The following MAGI2 variants were observed in gnomAD, a reference collection of about 807,000 sequenced individuals.
MAGI2 encodes membrane-associated guanylate kinase, WW and PDZ domain-containing protein 2.
In MAGI2, 35 loss-of-function variants were observed where a neutral mutation model predicts 133.3. The ratio of observed to expected loss-of-function variants is 0.26; its 90% CI spans 0.20 to 0.35. MAGI2 has a LOEUF of 0.35. MAGI2 is among the 10% of genes least tolerant of loss of function. The pLI, the probability that MAGI2 is intolerant of heterozygous loss-of-function variation, is 1.00. For synonymous variants in MAGI2, 729 were observed against 710.6 expected, an observed-to-expected ratio of 1.03 and a Z score of -0.41; for missense variants, 1,636 against 1,863.4, an observed-to-expected ratio of 0.88 and a Z score of 2.25.
intron 2 of MAGI2, among the ~76,000 whole-genome samples, chr7:78,674,233 AT>A (rs35089095): frequency 0.43 from 62,864 of 147,496 alleles, 13,293 homozygotes; most frequent in East Asian, 0.66. Context: ...ATAGCAAAGC[AT>A]TTTTTTTTTT....
intron 2 of MAGI2, among the ~76,000 whole-genome samples, chr7:78,821,878 G>C (rs17151533): frequency 0.028 from 4,226 of 151,950 alleles, 182 homozygotes; most frequent in African/African-American, 0.097. Context: ...TAAAAGAAAG[G>C]CAAAGAAAAT....
chr7:78,979,243 T>C (rs1344749873), intron 2 of MAGI2, among the ~76,000 whole-genome samples: 1 of 151,610 alleles, frequency 6.6e-6, no homozygotes, highest in Non-Finnish European at 1.5e-5. Flanking sequence ...CATCCTCCAA[T>C]AAAAGGAACC....
At chr7:78,965,322 T>G (rs1186645282) in intron 2 of MAGI2, among the ~76,000 whole-genome samples, 5 of 151,888 alleles carry the variant, frequency 3.3e-5, no homozygotes, top group African/African-American at 1.2e-4. Context: ...TGAAAAGTTA[T>G]GTCAAAAGGT....
In MAGI2 at chr7:79,222,407, T is replaced by C. The variant is rs142676256; in HGVS notation, c.302-215201A>G. Among the ~76,000 whole-genome samples, 59 of 152,198 alleles carry C rather than the reference T, an allele frequency of 3.9e-4. No individual in the cohort carries two copies. The East Asian group carries it at 0.011, about 28-fold the overall frequency. ...TTGAAGAAATGAAAATAGAGAATTA[T>C]TGAATCATCTAGTTGGATGGACCTA... On this transcript the variant is annotated intron_variant, in intron 1 of 21. Transcript: ENST00000354212.
chr7:79,050,718 C>G (rs1005491468), intron 1 of MAGI2, among the ~76,000 whole-genome samples: 6 of 152,176 alleles, frequency 3.9e-5, no homozygotes, highest in Admixed American at 2.0e-4. Context: ...TTTCTCCTAC[C>G]ATTTTTACCC....
At chr7:78,443,853 C>T (rs571101740) in intron 6 of MAGI2, among the ~76,000 whole-genome samples, 41 of 152,154 alleles carry the variant, frequency 2.7e-4, no homozygotes, top group East Asian at 1.7e-3. Flanking sequence ...TTCAGTTTGA[C>T]GAGAGGAAGA....
intron 1 of MAGI2, among the ~76,000 whole-genome samples, chr7:79,329,086 T>C (rs1465572979): frequency 6.6e-6 from 1 of 152,224 alleles, no homozygotes; most frequent in African/African-American, 2.4e-5. Flanking sequence ...GAACCACTGA[T>C]ATAATCCAGG....
intron 2 of MAGI2, among the ~76,000 whole-genome samples, chr7:78,945,902 A>G (rs1289715954): frequency 1.3e-5 from 2 of 152,204 alleles, no homozygotes; most frequent in African/African-American, 2.4e-5. Context: ...GCCCAGAGAT[A>G]GTCCTGCTTC....
At chr7:78,635,916 C>T (rs10239743) in intron 2 of MAGI2, among the ~76,000 whole-genome samples, 4,327 of 152,188 alleles carry the variant, frequency 0.028, 216 homozygotes, top group African/African-American at 0.099. Flanking sequence ...CACATAAAAT[C>T]CCAAAGTATG....
chr7:78,800,336 C>T (rs965602535), intron 2 of MAGI2, among the ~76,000 whole-genome samples: 1 of 152,036 alleles, frequency 6.6e-6, no homozygotes. Context: ...GAATTGTGAT[C>T]CACATAGTCA....
intron 3 of MAGI2, among the ~76,000 whole-genome samples, chr7:78,534,104 A>G (rs1797690037): frequency 1.3e-5 from 2 of 152,238 alleles, no homozygotes; most frequent in Admixed American, 1.3e-4. Context: ...GAATGACATA[A>G]GCACAGTCCT....
At position 79,264,040 on chromosome 7, in the gene MAGI2, C is replaced by T. The variant is rs1834267612; in HGVS notation, c.301+188980G>A. On this transcript the variant is annotated intron_variant, in intron 1 of 21. Coordinates refer to ENST00000354212, the MANE Select transcript of MAGI2 (RefSeq NM_012301.4). ...GTGATTTAAAATTTTCAAGAAGCCA[C>T]CACATTTTTTTAAAGTAGAAAGAAA... Among the ~76,000 whole-genome samples, 4 of 152,122 alleles carry T rather than the reference C, an allele frequency of 2.6e-5. No individual in the cohort carries two copies. In the South Asian group the frequency reaches 8.3e-4, roughly 32 times the overall value.
At chr7:78,582,709 A>G (rs958664689) in intron 3 of MAGI2, among the ~76,000 whole-genome samples, 5 of 152,234 alleles carry the variant, frequency 3.3e-5, no homozygotes, top group Admixed American at 6.5e-5. Context: ...TCTTAACACT[A>G]TGATTTCAGG....
At chr7:79,395,517 C>T (rs1844984408) in intron 1 of MAGI2, among the ~76,000 whole-genome samples, 1 of 152,140 alleles carries the variant, frequency 6.6e-6, no homozygotes, top group African/African-American at 2.4e-5. Context: ...TTCTCCACAT[C>T]TTCCAGAGAG....
intron 6 of MAGI2, among the ~76,000 whole-genome samples, chr7:78,477,704 C>T (rs1024613868): frequency 2.0e-4 from 31 of 151,994 alleles, no homozygotes; most frequent in Admixed American, 1.3e-3. Flanking sequence ...CACCTGGCCC[C>T]GCCCTTGACA....
intron 10 of MAGI2, among the ~76,000 whole-genome samples, chr7:78,235,354 A>T (rs1436271234): frequency 1.3e-5 from 2 of 152,108 alleles, no homozygotes; most frequent in Non-Finnish European, 2.9e-5. Flanking sequence ...GGTTTATAGA[A>T]AAATACATAG....
rs1361998075 is a variant in MAGI2 at position 78,019,257 on chromosome 7, CGGAACCTAAGAA to C, written c.*46_*57del. 6.4e-7 allele frequency: 1 copy of C among 1,561,108 alleles called. No homozygotes were observed. The highest frequency in any genetic ancestry group is 1.2e-5 in the South Asian group (1 of 86,430). ...GAAAATAAATTAAAACGCCGTGAGA[CGGAACCTAAGAA>C]GAACTGCCTGCGCCGGGGCGGGCGG... On this transcript the variant is annotated 3_prime_UTR_variant, in exon 22 of 22. Transcript: ENST00000354212.
intron 1 of MAGI2, among the ~76,000 whole-genome samples, chr7:79,364,975 G>A (rs1842606216): frequency 6.6e-6 from 1 of 151,470 alleles, no homozygotes; most frequent in African/African-American, 2.4e-5. Context: ...CTAGAAATTT[G>A]GAGAAAATAT....
intron 2 of MAGI2, among the ~76,000 whole-genome samples, chr7:78,635,448 A>G (rs1412270687): frequency 1.3e-5 from 2 of 152,230 alleles, no homozygotes; most frequent in Non-Finnish European, 2.9e-5. Flanking sequence ...GCAGTCATCT[A>G]TTGTGATCTA....
Sources: gnomAD v4.1 joint callset for allele counts (sites outside exome capture counted in the v4.1 genomes callset) on GRCh38, gnomAD v4.1.1 for gene constraint, MANE v1.5 for transcripts, NCBI Gene and HGNC (gene_info 2026-07-23, HGNC 2026-07-21) for gene names.